Variants in SLC1A2 observed in about 807,000 individuals in gnomAD.
SLC1A2 encodes excitatory amino acid transporter 2.
A neutral mutation model predicts 48.8 loss-of-function variants in SLC1A2; 15 were observed. That is an observed-to-expected ratio of 0.31 (90% CI 0.21 to 0.47). The LOEUF is 0.47. Among genes scored for constraint, SLC1A2 ranks in the 20% least tolerant of loss-of-function variants. The pLI, the probability that SLC1A2 is intolerant of heterozygous loss-of-function variation, is 0.99. For missense variants in SLC1A2, 502 were observed against 730.5 expected (o/e 0.69, Z 3.61); for synonymous variants, 279 against 272.6 (o/e 1.02, Z -0.23).
intron 2 of SLC1A2, chr11:35,316,508 G>A (rs951798123): frequency 2.1e-4 from 32 of 152,216 alleles, no homozygotes; most frequent in African/African-American, 7.5e-4. Context: ...GAACTTAGCT[G>A]TGGCGAGCTC....
chr11:35,332,824 G>T (rs1451479121), intron 1 of SLC1A2, among the ~76,000 whole-genome samples: 1 of 152,198 alleles, frequency 6.6e-6, no homozygotes, highest in Non-Finnish European at 1.5e-5. Context: ...GGGAGAAAGG[G>T]AAGAAGTCTG....
intron 1 of SLC1A2, among the ~76,000 whole-genome samples, chr11:35,351,353 C>T (rs1030123008): frequency 1.4e-4 from 22 of 152,212 alleles, no homozygotes; most frequent in African/African-American, 5.3e-4. Flanking sequence ...TCTCTGCTTT[C>T]CCAGACAGCA....
chr11:35,280,934 G>A lies in SLC1A2; in HGVS notation c.1354C>T (p.Leu452Phe). 6.2e-7 allele frequency: 1 copy of A among 1,613,400 alleles called. No individual in the cohort carries two copies. ...GGCAGGCCCACGGCTGTCAGAATGA[G>A]GAGCATGGTGACCAGCCCGGCACTG... ...IPSAGLVTML[L>F]ILTAVGLPTE... is the part of the protein sequence containing the mutation. Residue 452 changes from leucine (L) to phenylalanine (F), a missense_variant, in exon 9 of 11, where the codon CTC (leucine) becomes TTC (phenylalanine). By Grantham distance (22) the Leu-to-Phe change is conservative (BLOSUM62 0). Around this residue, in one of 4 missense-constraint regions of SLC1A2, gnomAD observed 309 missense variants for 480.3 expected, o/e 0.64. Transcript: ENST00000278379.
intron 10 of SLC1A2, among the ~76,000 whole-genome samples, chr11:35,262,198 T>A (rs1950404139): frequency 6.6e-6 from 1 of 152,348 alleles, no homozygotes; most frequent in East Asian, 1.9e-4. Flanking sequence ...GAGAAAGTTG[T>A]CTGTTCACTA....
intron 9 of SLC1A2, among the ~76,000 whole-genome samples, chr11:35,268,259 CA>C (rs1850160806): frequency 6.6e-6 from 1 of 152,168 alleles, no homozygotes; most frequent in Non-Finnish European, 1.5e-5. Flanking sequence ...TCTGAGTACC[CA>C]TTGATCTCAT....
chr11:35,372,753 T>C (rs180846238), intron 1 of SLC1A2, among the ~76,000 whole-genome samples: 1 of 152,358 alleles, frequency 6.6e-6, no homozygotes, highest in Admixed American at 6.5e-5. Flanking sequence ...CTACAACCAA[T>C]GATTAAAATC....
At chr11:35,302,652 T>C (rs1013735583) in intron 5 of SLC1A2, among the ~76,000 whole-genome samples, 2 of 152,064 alleles carry the variant, frequency 1.3e-5, no homozygotes, top group Non-Finnish European at 2.9e-5. Flanking sequence ...GAATCTGCCC[T>C]ACACTTTAGT....
rs11822372 is a variant in SLC1A2, at chr11:35,350,840, A to C, written c.18-33324T>G. Among the ~76,000 whole-genome samples the C allele has an allele frequency of 6.8e-3, 1,038 of 152,334 alleles. 4 individuals carry two copies. The highest frequency in any genetic ancestry group is 0.024 in the African/African-American group (987 of 41,562). ...CCAGGCACTGAAGTGTCCTCAATTC[A>C]TGGTCTGGAAAATGAAATGGAAGGA... is the stretch of plus-strand genomic sequence containing the variant. On this transcript the variant is annotated intron_variant, in intron 1 of 10. Coordinates refer to ENST00000278379, the MANE Select transcript of SLC1A2 (RefSeq NM_004171.4).
intron 1 of SLC1A2, among the ~76,000 whole-genome samples, chr11:35,389,443 TCTC>T (rs1232389730): frequency 4.7e-5 from 7 of 149,542 alleles, no homozygotes; most frequent in African/African-American, 1.5e-4. Flanking sequence ...TTCTTCTTCT[TCTC>T]CTTCTCCTTC....
In SLC1A2 at chr11:35,257,133, C is replaced by T. The variant is rs200933078; in HGVS notation, c.*3761G>A. The T allele has an allele frequency of 2.6e-5, 4 of 152,280 alleles. No individual in the cohort carries two copies. The East Asian group carries it at 5.8e-4, about 22-fold the overall frequency. The allele number at this position is 152,280 out of a possible 1,614,324, so 9.4% of individuals were successfully genotyped here. ...TCCCAACCACTTTGCTCCAAAAGGG[C>T]TTCTTGACTAGATACATATGCAAAT... On this transcript the variant is annotated 3_prime_UTR_variant, in exon 11 of 11. Coordinates refer to ENST00000278379, the MANE Select transcript of SLC1A2 (RefSeq NM_004171.4).
intron 10 of SLC1A2, chr11:35,264,896 CTT>C (rs946108912): frequency 1.3e-5 from 2 of 150,826 alleles, no homozygotes; most frequent in African/African-American, 4.9e-5. Context: ...GGGGATTTCT[CTT>C]GATGTTTAAT....
intron 1 of SLC1A2, among the ~76,000 whole-genome samples, chr11:35,400,148 T>C (rs1855091780): frequency 6.6e-6 from 1 of 152,254 alleles, no homozygotes; most frequent in South Asian, 2.1e-4. Flanking sequence ...GTGTGCCATT[T>C]GACCCAGTGA....
chr11:35,336,413 T>C (rs1354690649), intron 1 of SLC1A2, among the ~76,000 whole-genome samples: 1 of 152,200 alleles, frequency 6.6e-6, no homozygotes. Context: ...AGCTCATTAA[T>C]TGTTTGCTCT....
intron 1 of SLC1A2, among the ~76,000 whole-genome samples, chr11:35,410,175 T>C (rs1322657277): frequency 1.3e-5 from 2 of 152,218 alleles, no homozygotes; most frequent in Non-Finnish European, 2.9e-5. Context: ...TAGTATGTAT[T>C]TGTGGTATAC....
In SLC1A2 at chr11:35,260,798, G is replaced by T. The variant is rs962671501; in HGVS notation, c.*96C>A. On this transcript the variant is annotated 3_prime_UTR_variant, in exon 11 of 11. Transcript: ENST00000278379. ...AGATTAAGTAAACATAGAAATATAC[G>T]CATTTTTTTCCTTTTTAAAGAAAGC... 12 of 880,220 alleles carry T rather than the reference G, an allele frequency of 1.4e-5. No homozygotes were observed. The highest frequency in any genetic ancestry group is 2.1e-5 in the Non-Finnish European group (11 of 525,244). 54.5% of individuals were successfully genotyped at this position (880,220 alleles called of 1,614,324 possible). A position where few individuals can be genotyped will look rare whatever the true frequency, so the allele number is the denominator to read the frequency against.
chr11:35,320,501 C>T (rs1261996695), intron 1 of SLC1A2, among the ~76,000 whole-genome samples: 6 of 152,290 alleles, frequency 3.9e-5, no homozygotes, highest in Admixed American at 6.5e-5. Flanking sequence ...CAGAAGGGGC[C>T]GAGACCTGAG....
At position 35,305,965 on chromosome 11, in the gene SLC1A2, C is replaced by T. The variant is rs1366426461; in HGVS notation, c.730+109G>A. 4.2e-6 allele frequency: 4 copies of T among 958,588 alleles called. No homozygotes were observed. In the African/African-American group the frequency reaches 6.6e-5, roughly 16 times the overall value. 59.4% of individuals were successfully genotyped at this position (958,588 alleles called of 1,614,324 possible). ...CCTCAAATTGCTCCCCAGAGAGAGC[C>T]TCCTGCTCCACCTAGAGGACAGCTG... On this transcript the variant is annotated intron_variant, in intron 5 of 10. Transcript: ENST00000278379.
chr11:35,408,892 T>C (rs10501138), intron 1 of SLC1A2, among the ~76,000 whole-genome samples: 104,832 of 152,118 alleles, frequency 0.69, 36,678 homozygotes, highest in African/African-American at 0.81. Flanking sequence ...AAATAACAGA[T>C]TTGTAACTAT....
At chr11:35,370,883 G>A in intron 1 of SLC1A2, 1 of 903,744 alleles carries the variant, frequency 1.1e-6, no homozygotes, top group Non-Finnish European at 1.3e-6. Context: ...GAGTGGCCCA[G>A]GAAAAGAAAA....
Sources: gnomAD v4.1 joint callset for allele counts (sites outside exome capture counted in the v4.1 genomes callset) on GRCh38, gnomAD v4.1.1 for gene constraint, gnomAD v4.1.1 regional missense constraint, MANE v1.5 for transcripts, NCBI Gene and HGNC (gene_info 2026-07-23, HGNC 2026-07-21) for gene names.